The following STX3 variants were observed in gnomAD, a reference collection of about 807,000 sequenced individuals.
STX3 encodes the protein syntaxin-3.
Under a neutral mutation model 40.2 loss-of-function variants are expected in STX3, and 19 were observed. The ratio of observed to expected loss-of-function variants is 0.47; its 90% CI spans 0.33 to 0.69. The LOEUF is 0.69. Ranked by LOEUF, STX3 falls within the 30% of genes least tolerant of loss-of-function variation. STX3 has a pLI of 0.02. For missense variants in STX3, 364 were observed against 366.7 expected (o/e 0.99, Z 0.06); for synonymous variants, 122 against 132.2 (o/e 0.92, Z 0.53).
At chr11:59,762,233 G>T (rs1863074390) in intron 1 of STX3, among the ~76,000 whole-genome samples, 1 of 152,230 alleles carries the variant, frequency 6.6e-6, no homozygotes, top group Non-Finnish European at 1.5e-5. Flanking sequence ...ACATGCTACA[G>T]CTAGGGTGGT....
Position 59,801,516 on chromosome 11 carries a change from C to T in STX3, c.*692C>T. The stretch of plus-strand genomic sequence containing the variant: ...GGAGGGACCAGGATGATACAGTCAT[C>T]TGAGGTTATGCTTTGCAAAAGGCTG... On this transcript the variant is annotated 3_prime_UTR_variant, in exon 11 of 11. Transcript: ENST00000337979. The T allele has an allele frequency of 1.0e-6, 1 of 985,446 alleles. No individual in the cohort carries two copies. The highest frequency in any genetic ancestry group is 1.2e-6 in the Non-Finnish European group (1 of 829,974). The allele number at this position is 985,446 out of a possible 1,614,324, so 61.0% of individuals were successfully genotyped here.
chr11:59,801,331 T>C lies in STX3; in HGVS notation c.*507T>C, dbSNP rs954891728. Reference sequence around the variant, plus strand: ...TACCTGGCAGGATGCCAATCCTGTTTGTTGTCCGTATGTCCTGAAAACATG... The same window carrying C: ...TACCTGGCAGGATGCCAATCCTGTTCGTTGTCCGTATGTCCTGAAAACATG... On this transcript the variant is annotated 3_prime_UTR_variant, in exon 11 of 11. Transcript: ENST00000337979. The C allele has an allele frequency of 9.1e-6, 9 of 993,276 alleles. No individual in the cohort carries two copies. In the African/African-American group the frequency reaches 1.4e-4, roughly 15 times the overall value. The allele number at this position is 993,276 out of a possible 1,614,324, so 61.5% of individuals were successfully genotyped here.
chr11:59,773,791 C>A (rs183448539), intron 2 of STX3, among the ~76,000 whole-genome samples: 498 of 151,980 alleles, frequency 3.3e-3, no homozygotes, highest in Non-Finnish European at 5.3e-3. Context: ...AACAACCTGG[C>A]CAACATGGCA....
chr11:59,799,934 A>G (rs1004221310), intron 10 of STX3: 2 of 984,620 alleles, frequency 2.0e-6, no homozygotes, highest in Non-Finnish European at 2.4e-6. Flanking sequence ...TTGAAATTTT[A>G]AAAAGATATA....
intron 10 of STX3, among the ~76,000 whole-genome samples, chr11:59,797,966 C>G (rs527935385): frequency 2.9e-4 from 44 of 152,242 alleles, no homozygotes; most frequent in African/African-American, 1.0e-3. Flanking sequence ...TTACAACATC[C>G]TTTGAGACAG....
At chr11:59,799,563 C>T in intron 10 of STX3, 1 of 735,852 alleles carries the variant, frequency 1.4e-6, no homozygotes, top group Non-Finnish European at 1.7e-6. Flanking sequence ...CTCTTTATTA[C>T]CAACTCATAT....
rs1590734837 is a variant in STX3, at chr11:59,755,626, G to C, written c.21G>C (p.Gln7His). 6.3e-6 allele frequency: 10 copies of C among 1,594,396 alleles called. No individual in the cohort carries two copies. In the East Asian group the frequency reaches 1.8e-4, roughly 29 times the overall value. Reference protein sequence around the residue: MKDRLEQLKAKQLTQDD... With the variant: MKDRLEHLKAKQLTQDD... ...TCAGGATGAAGGACCGTCTGGAGCA[G>C]CTGAAGGCCGTGAGTTTCGCCGCAG... is the stretch of plus-strand genomic sequence containing the variant. Residue 7 changes from glutamine (Q) to histidine (H), a missense_variant, in exon 1 of 11, where the codon CAG becomes CAC. Transcript: ENST00000337979.
At chr11:59,784,002 G>A (rs947823069) in intron 2 of STX3, among the ~76,000 whole-genome samples, 11 of 152,154 alleles carry the variant, frequency 7.2e-5, no homozygotes, top group African/African-American at 2.4e-4. Context: ...GGGAAGTCCC[G>A]TAGGCAGGTT....
At chr11:59,797,428 G>A (rs1865590605) in intron 10 of STX3, 32 bp downstream of exon 10, 1 of 1,540,390 alleles carries the variant, frequency 6.5e-7, no homozygotes, top group South Asian at 1.1e-5. Context: ...GGGGACTCTG[G>A]ATTTGGCTCC....
chr11:59,766,609 T>G (rs1863296731), intron 1 of STX3, among the ~76,000 whole-genome samples: 1 of 152,162 alleles, frequency 6.6e-6, no homozygotes. Context: ...CCCTCCTTAA[T>G]TGATGAGAAA....
chr11:59,771,885 T>TG (rs1863671147), intron 1 of STX3, among the ~76,000 whole-genome samples: 1 of 151,860 alleles, frequency 6.6e-6, no homozygotes, highest in South Asian at 2.1e-4. Context: ...ATCGGGGAGG[T>TG]GGTAGCAGTG....
intron 9 of STX3, among the ~76,000 whole-genome samples, chr11:59,795,984 C>T (rs1054536578): frequency 6.6e-6 from 1 of 152,196 alleles, no homozygotes; most frequent in Non-Finnish European, 1.5e-5. Context: ...TGCTGCTAAT[C>T]TTCTCCTGGA....
intron 10 of STX3, among the ~76,000 whole-genome samples, chr11:59,798,114 A>C (rs549600665): frequency 1.4e-4 from 21 of 152,364 alleles, no homozygotes; most frequent in Non-Finnish European, 2.8e-4. Flanking sequence ...TTAACTATAA[A>C]GCCTGGAGAA....
In STX3 at chr11:59,802,627, T is replaced by C. The variant is rs1280516134; in HGVS notation, c.*1803T>C. ...ATACAACATGTGAAGGTTTTTGTTG[T>C]TGTTTGTATTTTTTAGATGTAAACT... On this transcript the variant is annotated 3_prime_UTR_variant, in exon 11 of 11. Transcript: ENST00000337979. The C allele has an allele frequency of 4.5e-5, 44 of 985,764 alleles. No individual in the cohort carries two copies. The highest frequency in any genetic ancestry group is 5.3e-5 in the Non-Finnish European group (44 of 829,936). 61.1% of individuals were successfully genotyped at this position (985,764 alleles called of 1,614,324 possible).
At chr11:59,766,325 C>T (rs545350369) in intron 1 of STX3, among the ~76,000 whole-genome samples, 3 of 122,914 alleles carry the variant, frequency 2.4e-5, no homozygotes, top group African/African-American at 1.1e-4. Context: ...GGGACAAACT[C>T]TTTTTAGAAA....
intron 2 of STX3, chr11:59,781,237 A>G (rs1864362823): frequency 1.0e-6 from 1 of 983,956 alleles, no homozygotes; most frequent in South Asian, 1.4e-5. Flanking sequence ...AGAAAGAAAC[A>G]GTATGGAGAT....
intron 1 of STX3, among the ~76,000 whole-genome samples, chr11:59,770,248 TGTGTATGTGGA>T (rs980552899): frequency 6.7e-5 from 10 of 149,394 alleles, no homozygotes; most frequent in Admixed American, 6.7e-4. Context: ...GTGTAGGGTG[TGTGTATGTGGA>T]GTGTATGTGG....
intron 2 of STX3, among the ~76,000 whole-genome samples, chr11:59,773,906 G>T (rs963907875): frequency 6.6e-6 from 1 of 150,930 alleles, no homozygotes; most frequent in Non-Finnish European, 1.5e-5. Context: ...GGAGGTGGAG[G>T]TTGCAGTGAG....
chr11:59,801,873 T>A lies in STX3; in HGVS notation c.*1049T>A, dbSNP rs1446994749. 2.0e-6 allele frequency: 2 copies of A among 985,438 alleles called. No individual in the cohort carries two copies. The highest frequency in any genetic ancestry group is 2.4e-6 in the Non-Finnish European group (2 of 829,908). The allele number at this position is 985,438 out of a possible 1,614,324, so 61.0% of individuals were successfully genotyped here. A position where few individuals can be genotyped will look rare whatever the true frequency, so the allele number is the denominator to read the frequency against. On this transcript the variant is annotated 3_prime_UTR_variant, in exon 11 of 11. Coordinates refer to ENST00000337979, the MANE Select transcript of STX3 (RefSeq NM_004177.5). Reference sequence around the variant, plus strand: ...AGGATAAAAATTGGGTAAAGGACATTTGCTTACCTGCAAATGAATCACTGT... The same window carrying A: ...AGGATAAAAATTGGGTAAAGGACATATGCTTACCTGCAAATGAATCACTGT...
Sources: gnomAD v4.1 joint callset for allele counts (sites outside exome capture counted in the v4.1 genomes callset) on GRCh38, gnomAD v4.1.1 for gene constraint, MANE v1.5 for transcripts, NCBI Gene and HGNC (gene_info 2026-07-23, HGNC 2026-07-21) for gene names.